The following DGKI variants were observed in gnomAD, a reference collection of about 807,000 sequenced individuals.
The protein encoded by DGKI is diacylglycerol kinase iota.
DGKI carries 55 observed loss-of-function variants against 147.5 expected under a neutral mutation model. That is an observed-to-expected ratio of 0.37 (90% CI 0.30 to 0.47). The LOEUF is 0.47. Ranked by LOEUF, DGKI falls within the 20% of genes least tolerant of loss-of-function variation. The probability of loss-of-function intolerance (pLI) is 1.00; values close to 1 mark genes in which losing one functional copy is unlikely to be tolerated. For missense variants in DGKI, 1,007 were observed against 1,323.8 expected (o/e 0.76, Z 3.71); for synonymous variants, 469 against 477.1 (o/e 0.98, Z 0.22).
chr7:137,600,149 T>C (rs1819937789), intron 10 of DGKI, among the ~76,000 whole-genome samples: 1 of 151,986 alleles, frequency 6.6e-6, no homozygotes, highest in African/African-American at 2.4e-5. Context: ...CCAGGTGTGG[T>C]GACACATGTC....
intron 27 of DGKI, among the ~76,000 whole-genome samples, chr7:137,461,533 A>G (rs1173238895): frequency 1.3e-5 from 2 of 152,228 alleles, no homozygotes; most frequent in Non-Finnish European, 2.9e-5. Context: ...TTAATTAAAA[A>G]GTTGAGGTAA....
chr7:137,642,352 TGG>T (rs892534941), intron 6 of DGKI, among the ~76,000 whole-genome samples: 3 of 152,200 alleles, frequency 2.0e-5, no homozygotes, highest in Non-Finnish European at 4.4e-5. Flanking sequence ...TTGCAGCTCC[TGG>T]GAAGGGGTCC....
chr7:137,499,755 G>C (rs1284382547), intron 21 of DGKI, among the ~76,000 whole-genome samples: 2 of 152,026 alleles, frequency 1.3e-5, no homozygotes, highest in African/African-American at 4.8e-5. Context: ...TGGCTTTCCT[G>C]GTCCTCCAAC....
chr7:137,703,247 C>T (rs914059412), intron 1 of DGKI, among the ~76,000 whole-genome samples: 1 of 152,122 alleles, frequency 6.6e-6, no homozygotes, highest in Non-Finnish European at 1.5e-5. Context: ...CACTTTTAAA[C>T]CATCAGATCT....
At chr7:137,391,425 A>C in intron 32 of DGKI, 89 bp from the exon 33 acceptor site, 2 of 910,890 alleles carry the variant, frequency 2.2e-6, no homozygotes, top group South Asian at 1.7e-5. Flanking sequence ...AACAAAACAA[A>C]ACAAAAATCA....
intron 10 of DGKI, among the ~76,000 whole-genome samples, chr7:137,601,526 T>C (rs1244558068): frequency 1.3e-5 from 2 of 152,226 alleles, no homozygotes; most frequent in Non-Finnish European, 2.9e-5. Context: ...AGTATGAGAT[T>C]TGAGGTCAAA....
At position 137,596,001 on chromosome 7, in the gene DGKI, C is replaced by CAAAAAAAAAAAAAAAA. The variant is rs71177914; in HGVS notation, c.1311+1830_1311+1845dup. ...TGGGCAACAGAGTGAGACTCCGTCT[C>CAAAAAAAAAAAAAAAA]AAAAAAAAAAAAAAAAAAAAAAAAA... On this transcript the variant is annotated intron_variant, in intron 12 of 32. Transcript: ENST00000614521. Among the ~76,000 whole-genome samples the CAAAAAAAAAAAAAAAA allele has an allele frequency of 2.5e-4, 11 of 44,400 alleles. 1 individual carries two copies. The highest frequency in any genetic ancestry group is 4.4e-4 in the Admixed American group (1 of 2,284). 29.1% of individuals were successfully genotyped at this position (44,400 alleles called of 152,430 possible).
intron 27 of DGKI, among the ~76,000 whole-genome samples, chr7:137,461,875 T>C (rs1373681652): frequency 5.9e-5 from 9 of 152,288 alleles, no homozygotes; most frequent in African/African-American, 2.2e-4. Flanking sequence ...CCTAAAAAGA[T>C]AGTTTAACGC....
At position 137,429,643 on chromosome 7, in the gene DGKI, C is replaced by T. The variant is rs1412376471; in HGVS notation, c.2761+14434G>A. ...CCTACAAAATGGGAGAAAATTTTCA[C>T]AACCTACTCATCTGACAAAGGGCTA... is the stretch of plus-strand genomic sequence containing the variant. On this transcript the variant is annotated intron_variant, in intron 28 of 32. Coordinates refer to ENST00000614521, the MANE Select transcript of DGKI (RefSeq NM_001321708.2). Among the ~76,000 whole-genome samples, 15 of 151,898 alleles carry T rather than the reference C, an allele frequency of 9.9e-5. 1 individual carries two copies. The South Asian group carries it at 3.1e-3, about 32-fold the overall frequency.
intron 6 of DGKI, among the ~76,000 whole-genome samples, chr7:137,630,614 G>A (rs145440803): frequency 1.3e-3 from 204 of 152,202 alleles, no homozygotes; most frequent in African/African-American, 4.5e-3. Context: ...CAAGACCTTG[G>A]AATTGAGATA....
Position 137,395,663 on chromosome 7 carries a change from G to T in DGKI, c.2992C>A (p.Arg998=), listed in dbSNP as rs774412671. The change falls in exon 32 of 33, where the codon CGG becomes AGG. Residue 998 remains arginine (R), a synonymous_variant. Transcript: ENST00000614521. ...AGAAGCTGGCACACAGCCCGGTTCC[G>T]CTGGCAGGCAGCCTTGTGCAGTGCA... The part of the protein sequence containing the change: ...ETALHKAACQ[R]NRAVCQLLVD... 1.9e-6 allele frequency: 3 copies of T among 1,614,124 alleles called. No homozygotes were observed. The South Asian group carries it at 3.3e-5, about 18-fold the overall frequency.
rs375526834 is a variant in DGKI at position 137,792,091 on chromosome 7, A to G, written c.401+54371T>C. ...CTGAGGCATGAGCCATAGGTCTAGA[A>G]TATATTGGTTTAGCAATGAACACAA... On this transcript the variant is annotated intron_variant, in intron 1 of 32. Transcript: ENST00000614521. Among the ~76,000 whole-genome samples the G allele has an allele frequency of 2.6e-4, 39 of 152,338 alleles. 2 individuals carry two copies. The South Asian group carries it at 7.5e-3, about 29-fold the overall frequency.
chr7:137,659,655 G>A (rs1186968933), intron 3 of DGKI, among the ~76,000 whole-genome samples: 1 of 152,210 alleles, frequency 6.6e-6, no homozygotes, highest in Non-Finnish European at 1.5e-5. Context: ...AGTAGGGGCC[G>A]GGAGCAGTGG....
Position 137,385,555 on chromosome 7 carries a change from C to G in DGKI, c.*5665G>C, listed in dbSNP as rs749711353. ...ACTCCACTATTACATATTATTTGTA[C>G]TTCATCTTCTTTATATTTAGTCAAA... On this transcript the variant is annotated 3_prime_UTR_variant, in exon 33 of 33. Coordinates refer to ENST00000614521, the MANE Select transcript of DGKI (RefSeq NM_001321708.2). 6.6e-5 allele frequency: 10 copies of G among 152,112 alleles called. 1 individual carries two copies. The highest frequency in any genetic ancestry group is 1.3e-4 in the Admixed American group (2 of 15,248). The allele number at this position is 152,112 out of a possible 1,614,324, so 9.4% of individuals were successfully genotyped here.
intron 1 of DGKI, among the ~76,000 whole-genome samples, chr7:137,810,631 G>C (rs796810978): frequency 3.2e-4 from 49 of 152,294 alleles, no homozygotes; most frequent in African/African-American, 1.1e-3. Context: ...AATAACAGCA[G>C]TTTATGTCTA....
At position 137,697,481 on chromosome 7, in the gene DGKI, C is replaced by T. The variant is rs1056910091; in HGVS notation, c.402-7479G>A. Among the ~76,000 whole-genome samples, 7 of 152,040 alleles carry T rather than the reference C, an allele frequency of 4.6e-5. No homozygotes were observed. In the East Asian group the frequency reaches 5.8e-4, roughly 13 times the overall value. ...ATAAGAAATTGAGATTGATAAAAGTCGGGAAAGAAATGCCTAAAAAGACTG... is the reference window on the plus strand; with the variant it reads ...ATAAGAAATTGAGATTGATAAAAGTTGGGAAAGAAATGCCTAAAAAGACTG... On this transcript the variant is annotated intron_variant, in intron 1 of 32. Transcript: ENST00000614521.
At chr7:137,833,550 G>C (rs1208165887) in intron 1 of DGKI, among the ~76,000 whole-genome samples, 1 of 152,190 alleles carries the variant, frequency 6.6e-6, no homozygotes, top group African/African-American at 2.4e-5. Context: ...AATTCAAGAT[G>C]AGATTTGGGT....
At chr7:137,627,595 G>A (rs991712287) in intron 6 of DGKI, among the ~76,000 whole-genome samples, 3 of 152,178 alleles carry the variant, frequency 2.0e-5, no homozygotes, top group Admixed American at 2.0e-4. Flanking sequence ...GTAGGATTCC[G>A]ATGTTCATTT....
In DGKI at chr7:137,387,068, C is replaced by T. The variant is rs747754045; in HGVS notation, c.*4152G>A. 1 of 152,086 alleles carries T rather than the reference C, an allele frequency of 6.6e-6. No individual in the cohort carries two copies. Among genetic ancestry groups the T allele is most frequent in the Admixed American group, 6.6e-5 (1 of 15,260 alleles). The allele number at this position is 152,086 out of a possible 1,614,324, so 9.4% of individuals were successfully genotyped here. A position where few individuals can be genotyped will look rare whatever the true frequency, so the allele number is the denominator to read the frequency against. ...CTCCTTCTGGAAGGAAGACAAGCTGCTCAGACCCCCATACTACACTGAAGT... is the reference window on the plus strand; with the variant it reads ...CTCCTTCTGGAAGGAAGACAAGCTGTTCAGACCCCCATACTACACTGAAGT... On this transcript the variant is annotated 3_prime_UTR_variant, in exon 33 of 33. Transcript: ENST00000614521.
Sources: allele counts gnomAD v4.1 joint callset (sites outside exome capture counted in the v4.1 genomes callset), GRCh38; gene constraint gnomAD v4.1.1; transcripts MANE v1.5; gene names NCBI Gene and HGNC (gene_info 2026-07-23, HGNC 2026-07-21).